COA1: variants seen among roughly 807,000 people sequenced by gnomAD.
COA1 encodes cytochrome c oxidase assembly factor 1 homolog.
Under a neutral mutation model 16.0 loss-of-function variants are expected in COA1, and 13 were observed. The observed-to-expected ratio is 0.81, with a 90% confidence interval of 0.53 to 1.29. COA1 has a LOEUF of 1.29. Among genes scored for constraint, COA1 ranks in the 50% most tolerant of loss-of-function variants. The pLI, the probability that COA1 is intolerant of heterozygous loss-of-function variation, is 0.00. For missense variants in COA1, 179 were observed against 177.0 expected, an observed-to-expected ratio of 1.01 and a Z score of -0.06; for synonymous variants, 65 against 65.7, an observed-to-expected ratio of 0.99 and a Z score of 0.05.
chr7:43,672,849 C>T (rs966708351), intron 1 of COA1, among the ~76,000 whole-genome samples: 1 of 151,378 alleles, frequency 6.6e-6, no homozygotes, highest in African/African-American at 2.4e-5. Flanking sequence ...ACAGGGAACC[C>T]AGAAATAATG....
intron 1 of COA1, among the ~76,000 whole-genome samples, chr7:43,728,118 G>A (rs577311169): frequency 1.5e-3 from 234 of 152,190 alleles, no homozygotes; most frequent in African/African-American, 5.4e-3. Flanking sequence ...GGGACTACAG[G>A]CTCCCGCCAC....
rs531877906 is a variant in COA1, at chr7:43,620,503, G to A, written c.*134-11008C>T. 1.8e-4 allele frequency among the ~76,000 whole-genome samples: 28 copies of A among 152,114 alleles called. 1 individual carries two copies. The South Asian group carries it at 5.8e-3, about 32-fold the overall frequency. On this transcript the variant is annotated intron_variant and NMD_transcript_variant, in intron 6 of 6. Coordinates refer to the COA1 transcript ENST00000415076. ...CAGCCTGGCCAACATGGCAAAACCC[G>A]TCTCTACTAAAAATACAAAAATTAG...
intron 1 of COA1, chr7:43,658,925 C>T (rs982523737): frequency 3.3e-5 from 5 of 152,506 alleles, no homozygotes; most frequent in African/African-American, 1.2e-4. Flanking sequence ...GGCAAGAGGG[C>T]AGGGTCTTCA....
chr7:43,652,549 G>A (rs1470515594), intron 1 of COA1, among the ~76,000 whole-genome samples: 1 of 152,190 alleles, frequency 6.6e-6, no homozygotes, highest in Admixed American at 6.5e-5. Context: ...ACTCCAGAGG[G>A]CATGGTCTCT....
rs145404511 is a variant in COA1, at chr7:43,647,596, C to T, written c.54G>A (p.Arg18=). The T allele has an allele frequency of 6.2e-7, 1 of 1,613,850 alleles. No individual in the cohort carries two copies. The highest frequency in any genetic ancestry group is 8.5e-7 in the Non-Finnish European group (1 of 1,179,890). Residue 18 remains arginine (R), a synonymous_variant, in exon 3 of 6, where the codon AGG becomes AGA. Coordinates refer to ENST00000223336, the MANE Select transcript of COA1 (RefSeq NM_018224.4). The stretch of plus-strand genomic sequence containing the variant: ...CATAGAACACACCGTGGAAAAGGAT[C>T]CTTGCTCCCAGAGGCATTGACCGCC... The part of the protein sequence containing the change: ...GSRRSMPLGA[R]ILFHGVFYAG...
At chr7:43,712,745 C>T (rs2095289818) in intron 1 of COA1, among the ~76,000 whole-genome samples, 1 of 152,208 alleles carries the variant, frequency 6.6e-6, no homozygotes. Context: ...CAGGAACAGT[C>T]AGCTAAGTGT....
chr7:43,722,436 A>G (rs1270872218), intron 1 of COA1, among the ~76,000 whole-genome samples: 4 of 150,160 alleles, frequency 2.7e-5, no homozygotes, highest in Non-Finnish European at 5.9e-5. Context: ...GTCTCGTTCT[A>G]TCGCCCAGGC....
At chr7:43,673,557 A>C (rs1038357437) in intron 1 of COA1, among the ~76,000 whole-genome samples, 6 of 152,260 alleles carry the variant, frequency 3.9e-5, no homozygotes, top group African/African-American at 7.2e-5. Context: ...AATGTAAATT[A>C]GTTCAGCCAT....
chr7:43,656,820 AAAAAGAAAAGAAAAG>A (rs141367829), intron 1 of COA1, among the ~76,000 whole-genome samples: 3 of 151,706 alleles, frequency 2.0e-5, no homozygotes, highest in Non-Finnish European at 4.4e-5. Flanking sequence ...GCAAATATTA[AAAAAGAAAAGAAAAG>A]AAAAGAAAAG....
intron 1 of COA1, 90 bp from the exon 2 acceptor site, chr7:43,648,742 A>G: frequency 1.1e-6 from 1 of 898,070 alleles, no homozygotes; most frequent in East Asian, 2.5e-5. Flanking sequence ...TACCAACCCA[A>G]GCTTTAGAAC....
intron 1 of COA1, among the ~76,000 whole-genome samples, chr7:43,714,828 T>C (rs2095350343): frequency 6.6e-6 from 1 of 151,296 alleles, no homozygotes; most frequent in Non-Finnish European, 1.5e-5. Context: ...GCCAACATGG[T>C]GAAATCTCGT....
chr7:43,621,277 C>T (rs990533095), intron 6 of COA1, among the ~76,000 whole-genome samples: 1 of 152,082 alleles, frequency 6.6e-6, no homozygotes, highest in Non-Finnish European at 1.5e-5. Flanking sequence ...GACTAATATG[C>T]GTCATGACCA....
At chr7:43,691,289 G>GA (rs1393924031) in intron 1 of COA1, among the ~76,000 whole-genome samples, 8 of 51,184 alleles carry the variant, frequency 1.6e-4, no homozygotes, top group African/African-American at 5.0e-4. Flanking sequence ...AAGAAAGAAA[G>GA]AAAGAAAGAA....
chr7:43,694,579 T>C (rs986950049), intron 1 of COA1, among the ~76,000 whole-genome samples: 1 of 152,098 alleles, frequency 6.6e-6, no homozygotes, highest in Admixed American at 6.6e-5. Flanking sequence ...CTATACTAGG[T>C]TTCCAAGACA....
In COA1 at chr7:43,640,563, C is replaced by T; in HGVS notation, c.341+10G>A. 6.3e-7 allele frequency: 1 copy of T among 1,597,112 alleles called. No individual in the cohort carries two copies. The highest frequency in any genetic ancestry group is 8.5e-7 in the Non-Finnish European group (1 of 1,170,144). On this transcript the variant is annotated intron_variant, in intron 5 of 5. Transcript: ENST00000223336. ...CCCGCTCCCCCACTGCCGTCACCTT[C>T]CCAGGATACCTCTGAAAGGGGCCAC...
rs544955342 is a variant in COA1, at chr7:43,710,125, G to A, written c.-39+19304C>T. ...AGCACTTTGGGAGGCTGAGGCAGGC[G>A]GATCACTAGAGGTCAGGAGTTTGAG... is the stretch of plus-strand genomic sequence containing the variant. On this transcript the variant is annotated intron_variant, in intron 1 of 5. Transcript: ENST00000223336. 3.3e-5 allele frequency among the ~76,000 whole-genome samples: 5 copies of A among 151,802 alleles called. No homozygotes were observed. The South Asian group carries it at 6.2e-4, about 19-fold the overall frequency.
chr7:43,608,494 G>T, exon 7 of COA1: 1 of 1,439,618 alleles, frequency 6.9e-7, no homozygotes, highest in Non-Finnish European at 9.4e-7. Context: ...TTTCACGTTT[G>T]TGTATTATTA....
chr7:43,671,279 T>C (rs1026360547), intron 1 of COA1, among the ~76,000 whole-genome samples: 8 of 151,718 alleles, frequency 5.3e-5, no homozygotes, highest in South Asian at 4.1e-4. Flanking sequence ...AATAGATAAA[T>C]TGGACTTTAA....
At chr7:43,688,347 A>G (rs1473036987) in intron 1 of COA1, among the ~76,000 whole-genome samples, 2 of 139,978 alleles carry the variant, frequency 1.4e-5, no homozygotes, top group Non-Finnish European at 3.3e-5. Flanking sequence ...GAATATTTTT[A>G]TGATAAAAAA....
Sources: allele counts gnomAD v4.1 joint callset (sites outside exome capture counted in the v4.1 genomes callset), GRCh38; gene constraint gnomAD v4.1.1; transcripts MANE v1.5; gene names NCBI Gene and HGNC (gene_info 2026-07-23, HGNC 2026-07-21).